OPCML: variants seen among roughly 807,000 people sequenced by gnomAD.
OPCML encodes opioid-binding protein/cell adhesion molecule.
Under a neutral mutation model 37.8 loss-of-function variants are expected in OPCML, and 13 were observed. The ratio of observed to expected loss-of-function variants is 0.34; its 90% CI spans 0.22 to 0.55. The LOEUF is 0.55. Among genes scored for constraint, OPCML ranks in the 20% least tolerant of loss-of-function variants. The probability of loss-of-function intolerance (pLI) is 0.91; values close to 1 mark genes in which losing one functional copy is unlikely to be tolerated. For synonymous variants in OPCML, 176 were observed against 168.8 expected, an observed-to-expected ratio of 1.04 and a Z score of -0.33; for missense variants, 341 against 435.6, an observed-to-expected ratio of 0.78 and a Z score of 1.93.
At chr11:133,499,248 AG>A (rs1264885949) in intron 1 of OPCML, among the ~76,000 whole-genome samples, 1 of 152,146 alleles carries the variant, frequency 6.6e-6, no homozygotes, top group Non-Finnish European at 1.5e-5. Flanking sequence ...ATTTCGGGCG[AG>A]GGGCAGGCAG....
intron 1 of OPCML, among the ~76,000 whole-genome samples, chr11:133,219,609 G>A (rs1939728300): frequency 6.6e-6 from 1 of 152,164 alleles, no homozygotes; most frequent in Non-Finnish European, 1.5e-5. Context: ...GGTCTGCAGT[G>A]TGATGAGAAG....
chr11:132,646,116 T>C (rs1941136755), intron 3 of OPCML, among the ~76,000 whole-genome samples: 1 of 151,932 alleles, frequency 6.6e-6, no homozygotes, highest in Non-Finnish European at 1.5e-5. Context: ...AGACTACAAA[T>C]TGGGCTCAGT....
chr11:133,033,353 G>A (rs1242146467), intron 1 of OPCML, among the ~76,000 whole-genome samples: 1 of 152,144 alleles, frequency 6.6e-6, no homozygotes, highest in African/African-American at 2.4e-5. Context: ...TCTGTGCAGG[G>A]GTGGGGCCAT....
chr11:133,374,312 G>A (rs1592244260), intron 1 of OPCML, among the ~76,000 whole-genome samples: 1 of 152,172 alleles, frequency 6.6e-6, no homozygotes, highest in African/African-American at 2.4e-5. Flanking sequence ...GTAGATTAGC[G>A]GCTGCCTGGG....
At chr11:133,458,768 CGTGTGTGTATATACACATAGATGCACGT>C (rs71038530) in intron 1 of OPCML, among the ~76,000 whole-genome samples, 163 of 24,218 alleles carry the variant, frequency 6.7e-3, no homozygotes, top group Middle Eastern at 0.056. Flanking sequence ...CATAGATGCA[CGTGTGTGTATATACACATAGATGCACGT>C]GTGTGTGTAT....
At chr11:133,329,771 G>A (rs1025465321) in intron 1 of OPCML, among the ~76,000 whole-genome samples, 1 of 152,186 alleles carries the variant, frequency 6.6e-6, no homozygotes, top group South Asian at 2.1e-4. Context: ...TCAGGACATA[G>A]GCATGGGCAA....
chr11:132,686,315 A>C (rs1162209202), intron 2 of OPCML, among the ~76,000 whole-genome samples: 2 of 152,200 alleles, frequency 1.3e-5, no homozygotes, highest in Non-Finnish European at 2.9e-5. Context: ...GAGTTTTAAC[A>C]ATAATCTTCT....
At chr11:133,414,267 T>G (rs1370689252) in intron 1 of OPCML, among the ~76,000 whole-genome samples, 1 of 152,090 alleles carries the variant, frequency 6.6e-6, no homozygotes, top group African/African-American at 2.4e-5. Flanking sequence ...TGTATATACG[T>G]GGTTTTCATC....
chr11:132,606,257 T>C (rs1938285758), intron 3 of OPCML, among the ~76,000 whole-genome samples: 1 of 152,186 alleles, frequency 6.6e-6, no homozygotes, highest in Non-Finnish European at 1.5e-5. Context: ...CTGGACACAA[T>C]TGCCCTTGCT....
In OPCML at chr11:133,010,131, G is replaced by A. The variant is rs1947188771; in HGVS notation, c.62-67121C>T. Among the ~76,000 whole-genome samples, 4 of 152,298 alleles carry A rather than the reference G, an allele frequency of 2.6e-5. No individual in the cohort carries two copies. The South Asian group carries it at 8.3e-4, about 32-fold the overall frequency. On this transcript the variant is annotated intron_variant, in intron 1 of 7. Transcript: ENST00000524381. ...TGTCCACTCTTCAAGGAGCAGCTCA[G>A]AAGTCTCCTCCATAGTGAGCCCAAC...
intron 1 of OPCML, among the ~76,000 whole-genome samples, chr11:133,507,626 G>A (rs1948062758): frequency 6.6e-6 from 1 of 152,132 alleles, no homozygotes; most frequent in African/African-American, 2.4e-5. Flanking sequence ...GACAGTTGTA[G>A]AAGTGGCCAC....
At chr11:132,479,390 G>A (rs956714339) in intron 4 of OPCML, among the ~76,000 whole-genome samples, 38 of 152,148 alleles carry the variant, frequency 2.5e-4, no homozygotes, top group African/African-American at 6.5e-4. Flanking sequence ...ACGGAATCTC[G>A]CTGATTGCTA....
At chr11:133,168,932 C>A (rs1950251028) in intron 1 of OPCML, among the ~76,000 whole-genome samples, 1 of 98,114 alleles carries the variant, frequency 1.0e-5, no homozygotes, top group Admixed American at 8.9e-5. Context: ...AGTTCAAAAC[C>A]AGCCTGACCA....
At chr11:132,527,388 C>T (rs1326298453) in intron 4 of OPCML, among the ~76,000 whole-genome samples, 2 of 152,138 alleles carry the variant, frequency 1.3e-5, no homozygotes, top group Admixed American at 1.3e-4. Flanking sequence ...TCCTCACCAA[C>T]ACTCGATATT....
chr11:132,490,971 A>G (rs1039987012), intron 4 of OPCML, among the ~76,000 whole-genome samples: 5 of 151,712 alleles, frequency 3.3e-5, no homozygotes, highest in African/African-American at 1.2e-4. Context: ...TGTGCACAGG[A>G]ACTCAGTTCA....
At chr11:132,955,621 T>A (rs1269495225) in intron 1 of OPCML, among the ~76,000 whole-genome samples, 1 of 152,152 alleles carries the variant, frequency 6.6e-6, no homozygotes, top group African/African-American at 2.4e-5. Context: ...CGGTGGCTCA[T>A]GCCTGTAATC....
chr11:133,257,279 AT>A (rs1365699136), intron 1 of OPCML, among the ~76,000 whole-genome samples: 1 of 152,216 alleles, frequency 6.6e-6, no homozygotes, highest in Non-Finnish European at 1.5e-5. Flanking sequence ...AGAAAAGGTT[AT>A]TCCTGAATAG....
At chr11:133,511,153 C>G (rs1479490409) in intron 1 of OPCML, among the ~76,000 whole-genome samples, 1 of 152,216 alleles carries the variant, frequency 6.6e-6, no homozygotes, top group African/African-American at 2.4e-5. Flanking sequence ...GCCCTGCCTT[C>G]AGCTACAGCC....
chr11:133,140,958 A>AGACGAAGAC (rs1565468748), intron 1 of OPCML, among the ~76,000 whole-genome samples: 1 of 2,120 alleles, frequency 4.7e-4, no homozygotes, highest in African/African-American at 7.4e-4. Context: ...ACGAAGAAGA[A>AGACGAAGAC]GAAGAAGAAG....
Sources: allele counts gnomAD v4.1 joint callset (sites outside exome capture counted in the v4.1 genomes callset), GRCh38; gene constraint gnomAD v4.1.1; transcripts MANE v1.5; gene names NCBI Gene and HGNC (gene_info 2026-07-23, HGNC 2026-07-21).